The following GRIK2 variants were observed in gnomAD, a reference collection of about 807,000 sequenced individuals.
GRIK2 encodes the protein glutamate ionotropic receptor kainate type subunit 2, also known as glutamate receptor ionotropic, kainate 2.
GRIK2 carries 32 observed loss-of-function variants against 100.3 expected under a neutral mutation model. That is an observed-to-expected ratio of 0.32 (90% CI 0.24 to 0.43). The LOEUF (loss-of-function observed/expected upper bound fraction) is 0.43. GRIK2 is among the 20% of genes least tolerant of loss of function. GRIK2 has a pLI of 1.00. For synonymous variants in GRIK2, 417 were observed against 389.4 expected, an observed-to-expected ratio of 1.07 and a Z score of -0.83; for missense variants, 843 against 1,114.9, an observed-to-expected ratio of 0.76 and a Z score of 3.47.
At chr6:101,601,515 G>C (rs188165846) in intron 2 of GRIK2, among the ~76,000 whole-genome samples, 1 of 152,060 alleles carries the variant, frequency 6.6e-6, no homozygotes, top group African/African-American at 2.4e-5. Context: ...ATTAGTACCA[G>C]CCCTTCTTTT....
chr6:102,043,176 G>C (rs2518148), intron 15 of GRIK2, among the ~76,000 whole-genome samples: 2 of 151,544 alleles, frequency 1.3e-5, no homozygotes, highest in South Asian at 4.1e-4. Context: ...AAACTAAACA[G>C]TTATAATGTG....
chr6:101,793,338 A>G (rs912674399), intron 7 of GRIK2, among the ~76,000 whole-genome samples: 1 of 151,930 alleles, frequency 6.6e-6, no homozygotes, highest in Non-Finnish European at 1.5e-5. Flanking sequence ...TCTTTGTGGT[A>G]TTATCTACTT....
intron 2 of GRIK2, among the ~76,000 whole-genome samples, chr6:101,509,620 A>T (rs1774201095): frequency 6.6e-6 from 1 of 152,190 alleles, no homozygotes; most frequent in African/African-American, 2.4e-5. Context: ...TTCCAGGTAG[A>T]AGATGAAGAA....
At chr6:101,943,390 C>T (rs915947043) in intron 14 of GRIK2, among the ~76,000 whole-genome samples, 1 of 152,172 alleles carries the variant, frequency 6.6e-6, no homozygotes, top group Non-Finnish European at 1.5e-5. Flanking sequence ...CACTGGGGCA[C>T]TGCCTAATGG....
intron 5 of GRIK2, among the ~76,000 whole-genome samples, chr6:101,677,767 C>T (rs914937121): frequency 1.3e-5 from 2 of 152,076 alleles, no homozygotes; most frequent in African/African-American, 2.4e-5. Context: ...TGGAGAGTTA[C>T]GCAGATTCAG....
At chr6:101,719,121 TGCAACAG>T (rs1057291834) in intron 7 of GRIK2, among the ~76,000 whole-genome samples, 2 of 148,926 alleles carry the variant, frequency 1.3e-5, no homozygotes, top group African/African-American at 5.1e-5. Context: ...TTCTGAAATG[TGCAACAG>T]GCTGCAAGGG....
chr6:101,650,581 A>G (rs1453730646), intron 4 of GRIK2, among the ~76,000 whole-genome samples: 4 of 152,120 alleles, frequency 2.6e-5, no homozygotes, highest in African/African-American at 9.7e-5. Flanking sequence ...ATGGTTGGTG[A>G]GCCCAGGGTC....
chr6:101,467,861 G>A (rs1445505460), intron 2 of GRIK2, among the ~76,000 whole-genome samples: 3 of 150,470 alleles, frequency 2.0e-5, no homozygotes, highest in Admixed American at 2.0e-4. Context: ...AATACCCAGT[G>A]TGGGCTGCTT....
chr6:102,049,066 A>G (rs1388093539), intron 15 of GRIK2, among the ~76,000 whole-genome samples: 2 of 152,118 alleles, frequency 1.3e-5, no homozygotes, highest in African/African-American at 4.8e-5. Context: ...AGCTATATTT[A>G]AAGTGTTCTT....
At chr6:101,907,429 T>C (rs990577269) in intron 12 of GRIK2, among the ~76,000 whole-genome samples, 4 of 151,626 alleles carry the variant, frequency 2.6e-5, no homozygotes, top group Admixed American at 6.6e-5. Flanking sequence ...TGGAACCTCA[T>C]GCTTGAATGA....
intron 7 of GRIK2, among the ~76,000 whole-genome samples, chr6:101,688,524 T>C (rs907101462): frequency 1.5e-4 from 23 of 152,096 alleles, no homozygotes; most frequent in African/African-American, 5.1e-4. Context: ...CTCTACAATA[T>C]GGAAAAAGAG....
At chr6:101,492,572 C>T (rs1319962949) in intron 2 of GRIK2, among the ~76,000 whole-genome samples, 2 of 151,818 alleles carry the variant, frequency 1.3e-5, no homozygotes, top group South Asian at 2.1e-4. Flanking sequence ...TTTGATATGG[C>T]TTCTTTTGAT....
At chr6:101,538,702 T>A (rs1775841786) in intron 2 of GRIK2, among the ~76,000 whole-genome samples, 1 of 151,634 alleles carries the variant, frequency 6.6e-6, no homozygotes, top group Non-Finnish European at 1.5e-5. Context: ...GTGGCTTCAC[T>A]GGGGTTAGTA....
chr6:101,989,278 G>T (rs1028183775), intron 14 of GRIK2, among the ~76,000 whole-genome samples: 6 of 151,802 alleles, frequency 4.0e-5, no homozygotes, highest in Admixed American at 6.6e-5. Flanking sequence ...CCCTCAGGAG[G>T]TTATTAATTA....
chr6:101,425,857 G>A (rs1453936259), intron 2 of GRIK2, among the ~76,000 whole-genome samples: 2 of 152,114 alleles, frequency 1.3e-5, no homozygotes, highest in African/African-American at 2.4e-5. Flanking sequence ...TGTCTTCTGA[G>A]CATCAGTTTT....
intron 7 of GRIK2, among the ~76,000 whole-genome samples, chr6:101,774,813 AAAC>A (rs1263573625): frequency 6.6e-6 from 1 of 152,108 alleles, no homozygotes; most frequent in Non-Finnish European, 1.5e-5. Flanking sequence ...GTGGCAGTAA[AAAC>A]AAATAGGATT....
At position 101,766,418 on chromosome 6, in the gene GRIK2, G is replaced by A. The variant is rs367956313; in HGVS notation, c.952-33230G>A. 7.9e-5 allele frequency among the ~76,000 whole-genome samples: 12 copies of A among 152,234 alleles called. No individual in the cohort carries two copies. In the East Asian group the frequency reaches 2.1e-3, roughly 27 times the overall value. On this transcript the variant is annotated intron_variant, in intron 7 of 16. Coordinates refer to ENST00000369134, the MANE Select transcript of GRIK2 (RefSeq NM_021956.5). ...CTGAAGAGTTCCTGAAATATTTGAA[G>A]CATTAAAGTAATGTTTGATATAAAT...
intron 14 of GRIK2, among the ~76,000 whole-genome samples, chr6:101,935,128 A>G (rs1462274567): frequency 6.6e-6 from 1 of 151,954 alleles, no homozygotes; most frequent in African/African-American, 2.4e-5. Flanking sequence ...CATGTTTACT[A>G]TTACGCGGAT....
At chr6:101,648,891 G>A (rs1023617636) in intron 4 of GRIK2, among the ~76,000 whole-genome samples, 2 of 151,996 alleles carry the variant, frequency 1.3e-5, no homozygotes, top group Non-Finnish European at 2.9e-5. Context: ...GGAAGATAAA[G>A]GAAAGACATG....
Sources: gnomAD v4.1 joint callset for allele counts (sites outside exome capture counted in the v4.1 genomes callset) on GRCh38, gnomAD v4.1.1 for gene constraint, MANE v1.5 for transcripts, NCBI Gene and HGNC (gene_info 2026-07-23, HGNC 2026-07-21) for gene names.